Variants in ATP2A1 observed in about 807,000 individuals in gnomAD.
ATP2A1 encodes the protein sarcoplasmic/endoplasmic reticulum calcium ATPase 1.
Under a neutral mutation model 109.5 loss-of-function variants are expected in ATP2A1, and 83 were observed. That is an observed-to-expected ratio of 0.76 (90% confidence interval 0.63 to 0.91). ATP2A1 has a LOEUF of 0.91. Among genes scored for constraint, ATP2A1 ranks in the 40% least tolerant of loss-of-function variants. The pLI is 0.00. For missense variants in ATP2A1, 1,101 were observed against 1,341.0 expected, an observed-to-expected ratio of 0.82 and a Z score of 2.80; for synonymous variants, 505 against 537.6, an observed-to-expected ratio of 0.94 and a Z score of 0.84.
Position 28,880,061 on chromosome 16 carries a change from G to A in ATP2A1, c.219+478G>A. 3 of 1,004,394 alleles carry A rather than the reference G, an allele frequency of 3.0e-6. No individual in the cohort carries two copies. Among genetic ancestry groups the A allele is most frequent in the African/African-American group, 1.7e-5 (1 of 57,466 alleles). The allele number at this position is 1,004,394 out of a possible 1,614,324, so 62.2% of individuals were successfully genotyped here. A position where few individuals can be genotyped will look rare whatever the true frequency, so the allele number is the denominator to read the frequency against. ...GCTCCTAGTGGCGGGAAAGCGCGGC[G>A]GTGTGATGATGACTCCAAGGAGCCC... On this transcript the variant is annotated intron_variant, in intron 3 of 22. Transcript: ENST00000395503. The surrounding 1 kb of genome is among the most constrained non-coding windows in gnomAD (Gnocchi z 4.2).
chr16:28,880,842 C>G lies in ATP2A1; in HGVS notation c.220-73C>G. 1 of 1,406,210 alleles carries G rather than the reference C, an allele frequency of 7.1e-7. No homozygotes were observed. The highest frequency in any genetic ancestry group is 1.0e-6 in the Non-Finnish European group (1 of 991,146). 87.1% of individuals were successfully genotyped at this position (1,406,210 alleles called of 1,614,324 possible). ...CTCTCCTGCACAGTTCTCCCCTTTG[C>G]AGTGGTCCACTTCCTTTCTCCATCT... On this transcript the variant is annotated intron_variant, in intron 3 of 22. Transcript: ENST00000395503. This position sits in a 1 kb window ranked among gnomAD's most constrained non-coding sequence, Gnocchi z 4.2.
In ATP2A1 at chr16:28,902,319, C is replaced by A; in HGVS notation, c.2457C>A (p.Arg819=). 1.9e-6 allele frequency: 3 copies of A among 1,612,734 alleles called. No homozygotes were observed. Among genetic ancestry groups the A allele is most frequent in the Middle Eastern group, 3.3e-4 (2 of 6,048 alleles). ...FNPPDLDIMD[R]PPRSPKEPLI... ...CACCAGACCTGGACATCATGGACCG[C>A]CCCCCCCGGAGCCCCAAGGAGCCCC... The change falls in exon 17 of 23, where the codon CGC becomes CGA. Residue 819 remains arginine (R), a synonymous_variant. Coordinates refer to ENST00000395503, the MANE Select transcript of ATP2A1 (RefSeq NM_004320.6). The surrounding 1 kb of genome is among the most constrained non-coding windows in gnomAD (Gnocchi z 4.8).
Position 28,902,127 on chromosome 16 carries a change from TG to T in ATP2A1, c.2321+48del. 1 of 1,613,756 alleles carries T rather than the reference TG, an allele frequency of 6.2e-7. No homozygotes were observed. Among genetic ancestry groups the T allele is most frequent in the Non-Finnish European group, 8.5e-7 (1 of 1,179,714 alleles). ...GTCCAGGAGGAAGCCGGGGTTAGGG[TG>T]GGGTGGCTGCAGGTCTGGGAGGCAG... On this transcript the variant is annotated intron_variant, in intron 16 of 22. Transcript: ENST00000395503. This position sits in a 1 kb window ranked among gnomAD's most constrained non-coding sequence, Gnocchi z 4.8.
intron 12 of ATP2A1, among the ~76,000 whole-genome samples, chr16:28,895,946 A>C (rs1360120142): frequency 6.6e-6 from 1 of 152,130 alleles, no homozygotes; most frequent in Non-Finnish European, 1.5e-5. Flanking sequence ...ATGCAAACAT[A>C]AATTTTTATT....
chr16:28,899,985 AAAC>A (rs1190364205), intron 14 of ATP2A1, among the ~76,000 whole-genome samples: 3 of 149,210 alleles, frequency 2.0e-5, no homozygotes, highest in Admixed American at 6.7e-5. Flanking sequence ...ACAAAAACAA[AAAC>A]AAAAAAAAGG....
At chr16:28,881,344 G>A (rs1963471983) in intron 4 of ATP2A1, 1 of 421,182 alleles carries the variant, frequency 2.4e-6, no homozygotes, top group Admixed American at 3.6e-5. Context: ...ATAGACGCTA[G>A]CTTGATTTCC....
Position 28,880,905 on chromosome 16 carries a change from T to C in ATP2A1, c.220-10T>C, listed in dbSNP as rs550341755. The C allele has an allele frequency of 6.2e-7, 1 of 1,612,618 alleles. No homozygotes were observed. The highest frequency in any genetic ancestry group is 1.3e-5 in the African/African-American group (1 of 75,012). On this transcript the variant is annotated splice_polypyrimidine_tract_variant and intron_variant, in intron 3 of 22. Transcript: ENST00000395503. The surrounding 1 kb of genome is among the most constrained non-coding windows in gnomAD (Gnocchi z 4.2). ...CATTACCTGTCATTCTCCTTTCCCC[T>C]GCTCCCCAGGTGCTGGCCTGGTTTG...
At chr16:28,894,628 C>T (rs749276072) in intron 11 of ATP2A1, 21 bp downstream of exon 11, 5 of 1,613,148 alleles carry the variant, frequency 3.1e-6, no homozygotes, top group South Asian at 1.1e-5. Flanking sequence ...CTTCCCCTTC[C>T]AGTTGGCTCA....
Position 28,885,680 on chromosome 16 carries a change from C to T in ATP2A1, c.544+1025C>T, listed in dbSNP as rs752464509. Among the ~76,000 whole-genome samples the T allele has an allele frequency of 8.3e-4, 126 of 151,920 alleles. 2 individuals carry two copies. The highest frequency in any genetic ancestry group is 2.1e-4 in the Non-Finnish European group (14 of 67,986). ...TTTCCATTCTGTCCCAAGCCTGAAA[C>T]GGGACGGGTAGTGGGAGAAGGCTGG... On this transcript the variant is annotated intron_variant, in intron 6 of 22. Coordinates refer to ENST00000395503, the MANE Select transcript of ATP2A1 (RefSeq NM_004320.6).
At position 28,882,403 on chromosome 16, in the gene ATP2A1, ACT is replaced by A. The variant is rs5816477; in HGVS notation, c.325-45_325-44del. On this transcript the variant is annotated intron_variant, in intron 4 of 22. Coordinates refer to ENST00000395503, the MANE Select transcript of ATP2A1 (RefSeq NM_004320.6). ...CCGTGCCAGGAGCCACAACTCCATA[ACT>A]CTGCCTCCTGTGTATAACCCTGCCT... 581,608 of 1,612,860 alleles carry A rather than the reference ACT, an allele frequency of 0.36. 112,977 individuals carry two copies. The highest frequency in any genetic ancestry group is 0.46 in the Admixed American group (27,279 of 59,932).
chr16:28,903,978 G>A lies in ATP2A1; in HGVS notation c.*38-202G>A, dbSNP rs577806718. On this transcript the variant is annotated intron_variant, in intron 22 of 22. Coordinates refer to ENST00000395503, the MANE Select transcript of ATP2A1 (RefSeq NM_004320.6). The surrounding 1 kb of genome is among the most constrained non-coding windows in gnomAD (Gnocchi z 5.6). ...GGGCCCGTCTGCTGCGCTGCGTTGC[G>A]CTGGCTGTGTGCTGGGCTGTCTTTG... Among the ~76,000 whole-genome samples, 259 of 152,082 alleles carry A rather than the reference G, an allele frequency of 1.7e-3. No individual in the cohort carries two copies. Among genetic ancestry groups the A allele is most frequent in the Non-Finnish European group, 4.7e-4 (32 of 67,982 alleles).
chr16:28,879,978 G>A (rs1436867424), intron 3 of ATP2A1: 16 of 1,020,938 alleles, frequency 1.6e-5, no homozygotes, highest in Non-Finnish European at 1.6e-5. Context: ...CGCGCCCGTC[G>A]GCGCCCCTGC....
At chr16:28,882,347 C>A (rs1388797220) in intron 4 of ATP2A1, 104 bp from the exon 5 acceptor site, 4 of 1,538,158 alleles carry the variant, frequency 2.6e-6, no homozygotes, top group Non-Finnish European at 3.6e-6. Context: ...CATACACACA[C>A]CCCTGCCTGT....
intron 15 of ATP2A1, 107 bp from the exon 16 acceptor site, chr16:28,901,756 A>G: frequency 9.6e-7 from 1 of 1,043,304 alleles, no homozygotes; most frequent in East Asian, 2.6e-5. Flanking sequence ...CAGGAGTTCA[A>G]GACCAGCCTG....
At position 28,898,881 on chromosome 16, in the gene ATP2A1, C is replaced by G. The variant is rs1460330272; in HGVS notation, c.1764+430C>G. Among the ~76,000 whole-genome samples, 1 of 151,988 alleles carries G rather than the reference C, an allele frequency of 6.6e-6. No homozygotes were observed. The highest frequency in any genetic ancestry group is 1.5e-5 in the Non-Finnish European group (1 of 67,988). The stretch of plus-strand genomic sequence containing the variant: ...ACCTGTAGACCCAGCTACTGGGGAG[C>G]CTGAGGTGGGAGGATCACTTGAACC... On this transcript the variant is annotated intron_variant, in intron 14 of 22. Coordinates refer to ENST00000395503, the MANE Select transcript of ATP2A1 (RefSeq NM_004320.6). The surrounding 1 kb of genome is among the most constrained non-coding windows in gnomAD (Gnocchi z 4.0).
rs1964166806 is a variant in ATP2A1 at position 28,903,865 on chromosome 16, G to A, written c.*37+124G>A. 2.1e-6 allele frequency: 2 copies of A among 954,096 alleles called. No individual in the cohort carries two copies. Among genetic ancestry groups the A allele is most frequent in the South Asian group, 1.4e-5 (1 of 72,604 alleles). 59.1% of individuals were successfully genotyped at this position (954,096 alleles called of 1,614,324 possible). A position where few individuals can be genotyped will look rare whatever the true frequency, so the allele number is the denominator to read the frequency against. On this transcript the variant is annotated intron_variant, in intron 22 of 22. Coordinates refer to ENST00000395503, the MANE Select transcript of ATP2A1 (RefSeq NM_004320.6). The surrounding 1 kb of genome is among the most constrained non-coding windows in gnomAD (Gnocchi z 5.6). ...AGCTCCACCTGGAGCCGTTGCCACTGCTGCTGCTGCGCTTCCAGTCAGGGT... is the reference window on the plus strand; with the variant it reads ...AGCTCCACCTGGAGCCGTTGCCACTACTGCTGCTGCGCTTCCAGTCAGGGT...
chr16:28,897,825 T>C (rs1327219668), intron 12 of ATP2A1, among the ~76,000 whole-genome samples, 175 bp from the exon 13 acceptor site: 1 of 152,208 alleles, frequency 6.6e-6, no homozygotes, highest in East Asian at 1.9e-4. Flanking sequence ...TCTTCTGTGC[T>C]TTAACCTAGG....
Position 28,880,633 on chromosome 16 carries a change from A to T in ATP2A1, c.220-282A>T, listed in dbSNP as rs1963443088. Among the ~76,000 whole-genome samples, 1 of 152,220 alleles carries T rather than the reference A, an allele frequency of 6.6e-6. No homozygotes were observed. Among genetic ancestry groups the T allele is most frequent in the Admixed American group, 6.5e-5 (1 of 15,286 alleles). ...GGGGTTGGCCTGAGCTTCGCTTCTA[A>T]GCCAGCAGCTTGGTCAGGGAAACCT... is the stretch of plus-strand genomic sequence containing the variant. On this transcript the variant is annotated intron_variant, in intron 3 of 22. Transcript: ENST00000395503. This position sits in a 1 kb window ranked among gnomAD's most constrained non-coding sequence, Gnocchi z 4.2.
chr16:28,904,146 C>T, intron 22 of ATP2A1, 34 bp from the exon 23 acceptor site: 1 of 1,583,634 alleles, frequency 6.3e-7, no homozygotes, highest in South Asian at 1.1e-5. Context: ...TGCCCTCCTG[C>T]CGCCTGCCTC....
Sources: allele counts gnomAD v4.1 joint callset (sites outside exome capture counted in the v4.1 genomes callset), GRCh38; gene constraint gnomAD v4.1.1; non-coding constraint Gnocchi (gnomAD v3.1); transcripts MANE v1.5; gene names NCBI Gene and HGNC (gene_info 2026-07-23, HGNC 2026-07-21).